The following GRIP2 variants were observed in gnomAD, a reference collection of about 807,000 sequenced individuals.
GRIP2 encodes glutamate receptor interacting protein 2.
GRIP2 carries 58 observed loss-of-function variants against 108.3 expected under a neutral mutation model. The observed-to-expected ratio is 0.54, with a 90% CI of 0.43 to 0.67. The LOEUF is 0.67. GRIP2 is among the 30% of genes least tolerant of loss of function. The pLI is 0.00. For missense variants in GRIP2, 1,278 were observed against 1,430.6 expected, an observed-to-expected ratio of 0.89 and a Z score of 1.72; for synonymous variants, 586 against 598.2, an observed-to-expected ratio of 0.98 and a Z score of 0.30.
intron 1 of GRIP2, among the ~76,000 whole-genome samples, chr3:14,529,866 G>A (rs986315878): frequency 2.0e-5 from 3 of 152,278 alleles, no homozygotes; most frequent in Middle Eastern, 3.4e-3. Flanking sequence ...TATTCAGCCT[G>A]GTTGTAGGGC....
the GRIP2 span, among the ~76,000 whole-genome samples, chr3:14,600,397 A>G: frequency 2.0e-5 from 3 of 152,198 alleles, no homozygotes; most frequent in Admixed American, 2.0e-4. Context: ...AAAGCAACTG[A>G]AGCTCAGAAA....
chr3:14,559,300 T>C (rs909370342), upstream of GRIP2, among the ~76,000 whole-genome samples: 5 of 152,216 alleles, frequency 3.3e-5, no homozygotes, highest in Admixed American at 1.3e-4. Flanking sequence ...CCAAGTGAAA[T>C]TGGAATTCAA....
chr3:14,541,691 G>A (rs552413003), upstream of GRIP2, among the ~76,000 whole-genome samples: 82 of 152,336 alleles, frequency 5.4e-4, no homozygotes, highest in African/African-American at 1.9e-3. Flanking sequence ...TCCTCTTTGG[G>A]CAACTTGAGA....
the GRIP2 span, among the ~76,000 whole-genome samples, chr3:14,569,487 A>C: frequency 6.6e-6 from 1 of 152,194 alleles, no homozygotes; most frequent in South Asian, 2.1e-4. Context: ...GGGCTTGGCC[A>C]ATCAGGATTG....
chr3:14,593,886 A>G, the GRIP2 span, among the ~76,000 whole-genome samples: 2 of 152,278 alleles, frequency 1.3e-5, no homozygotes, highest in African/African-American at 4.8e-5. Flanking sequence ...CTCTAGTCCA[A>G]ACTTTCAAAC....
At chr3:14,599,700 T>TGC in the GRIP2 span, among the ~76,000 whole-genome samples, 1 of 150,664 alleles carries the variant, frequency 6.6e-6, no homozygotes, top group African/African-American at 2.5e-5. Flanking sequence ...TGTGTGTGTG[T>TGC]GTGTGTGTGT....
chr3:14,533,553 C>T (rs1288913822), intron 1 of GRIP2, among the ~76,000 whole-genome samples: 9 of 152,124 alleles, frequency 5.9e-5, no homozygotes, highest in African/African-American at 1.7e-4. Context: ...GAAATTCAGA[C>T]GGAGGAACAA....
In GRIP2 at chr3:14,493,738, C is replaced by T. The variant is rs754226297; in HGVS notation, c.3059G>A (p.Ser1020Asn). The change falls in exon 24 of 24, where the codon AGC becomes AAC. Residue 1020 changes from serine (S) to asparagine (N), a missense_variant. Transcript: ENST00000621039. ...EAGDVLELIISRKPHTAHSSR... is the reference protein window; with the variant it reads ...EAGDVLELIINRKPHTAHSSR... ...GCTGTGTGCCGTGTGCGGCTTGCGG[C>T]TGATGATCAGCTCCAAGACATCACC... 3.7e-6 allele frequency: 6 copies of T among 1,609,870 alleles called. No homozygotes were observed. The East Asian group carries it at 1.1e-4, about 30-fold the overall frequency.
At chr3:14,529,278 C>CAAA (rs78828207) in intron 1 of GRIP2, among the ~76,000 whole-genome samples, 18 of 111,082 alleles carry the variant, frequency 1.6e-4, no homozygotes, top group African/African-American at 3.3e-4. Flanking sequence ...GACTCCGTCT[C>CAAA]AAAAAAAAAA....
intron 20 of GRIP2, among the ~76,000 whole-genome samples, chr3:14,504,501 C>T (rs148580764): frequency 7.9e-5 from 12 of 152,046 alleles, no homozygotes; most frequent in South Asian, 2.1e-4. Flanking sequence ...TTACTAGAGA[C>T]GGGTTCCACC....
intron 1 of GRIP2, among the ~76,000 whole-genome samples, chr3:14,526,662 C>T (rs1694562517): frequency 6.6e-6 from 1 of 152,190 alleles, no homozygotes; most frequent in Admixed American, 6.5e-5. Flanking sequence ...CCATTTTACT[C>T]TCCATGACCC....
chr3:14,523,846 G>C lies in GRIP2; in HGVS notation c.404-148C>G, dbSNP rs1694478858. On this transcript the variant is annotated intron_variant, in intron 4 of 23. Transcript: ENST00000621039. ...CTTGCCCATTTTACAGGTCGAACAA[G>C]TGAGGCTTAGAGGGATCCTCTCCCC... The C allele has an allele frequency of 4.7e-6, 3 of 642,564 alleles. No homozygotes were observed. In the Admixed American group the frequency reaches 7.0e-5, roughly 15 times the overall value. The allele number at this position is 642,564 out of a possible 1,614,324, so 39.8% of individuals were successfully genotyped here.
the GRIP2 span, among the ~76,000 whole-genome samples, chr3:14,562,082 G>A: frequency 1.3e-5 from 2 of 152,164 alleles, no homozygotes; most frequent in African/African-American, 4.8e-5. Flanking sequence ...TGAAAGCTGC[G>A]AAAAATAAAC....
the GRIP2 span, among the ~76,000 whole-genome samples, chr3:14,578,748 T>C: frequency 2.3e-4 from 35 of 150,052 alleles, 1 homozygote; most frequent in African/African-American, 8.6e-4. Context: ...TATGAAGGAA[T>C]GGGTTTTTTC....
chr3:14,576,775 A>C, the GRIP2 span, among the ~76,000 whole-genome samples: 1 of 152,220 alleles, frequency 6.6e-6, no homozygotes, highest in Non-Finnish European at 1.5e-5. Flanking sequence ...CCACTGCTAG[A>C]CAGCAAGGAC....
In GRIP2 at chr3:14,511,544, C is replaced by A. The variant is rs1387141667; in HGVS notation, c.1721-65G>T. The A allele has an allele frequency of 6.6e-7, 1 of 1,519,932 alleles. No individual in the cohort carries two copies. Among genetic ancestry groups the A allele is most frequent in the Non-Finnish European group, 9.1e-7 (1 of 1,102,802 alleles). 94.2% of individuals were successfully genotyped at this position (1,519,932 alleles called of 1,614,324 possible). On this transcript the variant is annotated intron_variant, in intron 14 of 23. Coordinates refer to ENST00000621039, the MANE Select transcript of GRIP2 (RefSeq NM_001080423.4). The surrounding 1 kb of genome is among the most constrained non-coding windows in gnomAD (Gnocchi z 4.1). ...CAGCCTGGGGTGGGGTGGCGAAGCCCAGGGGTCTGAGTGTGGACTCGGAGC... is the reference window on the plus strand; with the variant it reads ...CAGCCTGGGGTGGGGTGGCGAAGCCAAGGGGTCTGAGTGTGGACTCGGAGC...
At position 14,506,038 on chromosome 3, in the gene GRIP2, A is replaced by G. The variant is rs186523655; in HGVS notation, c.2399-249T>C. On this transcript the variant is annotated intron_variant, in intron 19 of 23. Coordinates refer to ENST00000621039, the MANE Select transcript of GRIP2 (RefSeq NM_001080423.4). ...GCCTGGGCTTGGCCATCACCCTGCC[A>G]CGGAAGGAGGCTGAACATGTGGCCC... Among the ~76,000 whole-genome samples, 3 of 152,294 alleles carry G rather than the reference A, an allele frequency of 2.0e-5. No individual in the cohort carries two copies. In the East Asian group the frequency reaches 5.8e-4, roughly 29 times the overall value.
chr3:14,503,472 A>G (rs1574993128), intron 21 of GRIP2, 94 bp downstream of exon 21: 2 of 833,564 alleles, frequency 2.4e-6, no homozygotes, highest in Non-Finnish European at 3.9e-6. Context: ...ACACATGAGC[A>G]TGATGCCATC....
chr3:14,573,381 A>G, the GRIP2 span: 1 of 1,331,520 alleles, frequency 7.5e-7, no homozygotes, highest in South Asian at 1.2e-5. Flanking sequence ...GTCCCGCGGG[A>G]TGGTCATCTG....
Sources: gnomAD v4.1 joint callset for allele counts (sites outside exome capture counted in the v4.1 genomes callset) on GRCh38, gnomAD v4.1.1 for gene constraint, Gnocchi (gnomAD v3.1) non-coding constraint, MANE v1.5 for transcripts, NCBI Gene and HGNC (gene_info 2026-07-23, HGNC 2026-07-21) for gene names.